Variants in KDELR2 observed in about 807,000 individuals in gnomAD.
KDELR2 encodes the protein KDEL endoplasmic reticulum protein retention receptor 2.
A neutral mutation model predicts 23.9 loss-of-function variants in KDELR2; 15 were observed. The ratio of observed to expected loss-of-function variants is 0.63; its 90% confidence interval spans 0.42 to 0.97. The LOEUF is 0.97. Among genes scored for constraint, KDELR2 ranks in the 50% least tolerant of loss-of-function variants. KDELR2 has a pLI of 0.00. For synonymous variants in KDELR2, 119 were observed against 106.2 expected (o/e 1.12, Z -0.74); for missense variants, 272 against 254.6 (o/e 1.07, Z -0.46).
chr7:6,478,613 A>G (rs1253648568), intron 1 of KDELR2, among the ~76,000 whole-genome samples: 1 of 151,996 alleles, frequency 6.6e-6, no homozygotes, highest in Non-Finnish European at 1.5e-5. Flanking sequence ...TATATTACAG[A>G]TTATTTCACT....
chr7:6,468,303 C>T (rs191944824), intron 3 of KDELR2, among the ~76,000 whole-genome samples: 2 of 152,232 alleles, frequency 1.3e-5, no homozygotes, highest in African/African-American at 4.8e-5. Context: ...CAAATAGGTC[C>T]ATTCTAGATA....
chr7:6,482,666 T>A, intron 1 of KDELR2: 1 of 410,066 alleles, frequency 2.4e-6, no homozygotes, highest in South Asian at 1.7e-5. Context: ...GTAAATAGAG[T>A]CTCTGCACCC....
At position 6,462,678 on chromosome 7, in the gene KDELR2, C is replaced by T. The variant is rs571736456; in HGVS notation, c.*463G>A. 3 of 278,384 alleles carry T rather than the reference C, an allele frequency of 1.1e-5. No individual in the cohort carries two copies. Among genetic ancestry groups the T allele is most frequent in the African/African-American group, 2.2e-5 (1 of 44,740 alleles). The allele number at this position is 278,384 out of a possible 1,614,324, so 17.2% of individuals were successfully genotyped here. ...TGTCTCAGATTTCAAACAAATACAG[C>T]TCATCTTTTGCCAAAAAATAAATAT... On this transcript the variant is annotated 3_prime_UTR_variant, in exon 5 of 5. Coordinates refer to ENST00000258739, the MANE Select transcript of KDELR2 (RefSeq NM_006854.4).
At chr7:6,478,239 T>C (rs1181678283) in intron 1 of KDELR2, among the ~76,000 whole-genome samples, 1 of 151,914 alleles carries the variant, frequency 6.6e-6, no homozygotes, top group Non-Finnish European at 1.5e-5. Flanking sequence ...CGCTGCAGCC[T>C]GGGGCTTAAG....
At chr7:6,464,781 G>A (rs1785466593) in intron 4 of KDELR2, among the ~76,000 whole-genome samples, 1 of 145,784 alleles carries the variant, frequency 6.9e-6, no homozygotes, top group Non-Finnish European at 1.5e-5. Flanking sequence ...TGTTCCCTAG[G>A]CTGGAGTGCA....
chr7:6,468,583 G>A (rs1785554085), intron 3 of KDELR2, among the ~76,000 whole-genome samples: 1 of 152,136 alleles, frequency 6.6e-6, no homozygotes, highest in Non-Finnish European at 1.5e-5. Context: ...TTGGCTCACT[G>A]CAAGCTCCGC....
intron 1 of KDELR2, among the ~76,000 whole-genome samples, chr7:6,479,888 T>G (rs888828444): frequency 3.9e-5 from 6 of 152,196 alleles, no homozygotes; most frequent in African/African-American, 1.4e-4. Flanking sequence ...AGACTGGCAC[T>G]CAAAAGAGCA....
intron 4 of KDELR2, 135 bp from the exon 5 acceptor site, chr7:6,463,310 T>C: frequency 1.5e-6 from 1 of 675,862 alleles, no homozygotes; most frequent in Non-Finnish European, 2.4e-6. Flanking sequence ...GCAATTGTAT[T>C]TTAAAAATAC....
chr7:6,470,708 T>G lies in KDELR2; in HGVS notation c.193-954A>C, dbSNP rs115750888. Among the ~76,000 whole-genome samples the G allele has an allele frequency of 7.2e-3, 1,099 of 152,316 alleles. 12 individuals are homozygous for G. The highest frequency in any genetic ancestry group is 0.024 in the African/African-American group (981 of 41,558). On this transcript the variant is annotated intron_variant, in intron 2 of 4. Coordinates refer to ENST00000258739, the MANE Select transcript of KDELR2 (RefSeq NM_006854.4). ...GGAGGTACTCCTTATAATTTTTGTTTGTAAACATATACTTCTTGATTTAAT... is the reference window on the plus strand; with the variant it reads ...GGAGGTACTCCTTATAATTTTTGTTGGTAAACATATACTTCTTGATTTAAT...
intron 3 of KDELR2, among the ~76,000 whole-genome samples, chr7:6,466,564 G>A (rs530348913): frequency 9.9e-5 from 15 of 152,090 alleles, no homozygotes; most frequent in South Asian, 6.3e-4. Context: ...GGATGGTTTC[G>A]GGATGATTCA....
In KDELR2 at chr7:6,463,215, T is replaced by G. The variant is rs763355643; in HGVS notation, c.605-40A>C. 2.6e-6 allele frequency: 4 copies of G among 1,539,296 alleles called. No individual in the cohort carries two copies. The African/African-American group carries it at 5.5e-5, about 21-fold the overall frequency. On this transcript the variant is annotated intron_variant, in intron 4 of 4. Coordinates refer to ENST00000258739, the MANE Select transcript of KDELR2 (RefSeq NM_006854.4). ...AGAAGAAAAGAAAACAAAAGGTTAC[T>G]GATATTGACAAACTTAGCTTCCTTC...
chr7:6,467,207 C>T (rs1293048366), intron 3 of KDELR2, among the ~76,000 whole-genome samples: 1 of 152,194 alleles, frequency 6.6e-6, no homozygotes, highest in Non-Finnish European at 1.5e-5. Context: ...GATACCAAAT[C>T]AACCCTGCTT....
Position 6,484,099 on chromosome 7 carries a change from G to A in KDELR2, c.-42C>T, listed in dbSNP as rs1474030425. The A allele has an allele frequency of 2.2e-6, 3 of 1,337,808 alleles. No homozygotes were observed. Among genetic ancestry groups the A allele is most frequent in the African/African-American group, 1.5e-5 (1 of 64,850 alleles). The allele number at this position is 1,337,808 out of a possible 1,614,324, so 82.9% of individuals were successfully genotyped here. On this transcript the variant is annotated 5_prime_UTR_variant, in exon 1 of 5. Transcript: ENST00000258739. ...GCGGTCGGCGCAGCGCGGCGGCCCC[G>A]GGGCTGGGCGGCTCAGGAGGCGGCG...
chr7:6,471,110 G>A (rs1393501600), intron 2 of KDELR2, among the ~76,000 whole-genome samples: 8 of 87,692 alleles, frequency 9.1e-5, no homozygotes, highest in Non-Finnish European at 1.7e-4. Flanking sequence ...GACTGACTCT[G>A]TCTCAAAAAA....
At chr7:6,465,764 C>T (rs1359489253) in intron 4 of KDELR2, among the ~76,000 whole-genome samples, 1 of 152,080 alleles carries the variant, frequency 6.6e-6, no homozygotes, top group African/African-American at 2.4e-5. Context: ...GTGTATAGAA[C>T]AGCAATGTAC....
intron 4 of KDELR2, among the ~76,000 whole-genome samples, chr7:6,465,270 G>A (rs1166213026): frequency 6.8e-6 from 1 of 147,926 alleles, no homozygotes; most frequent in Non-Finnish European, 1.5e-5. Context: ...TGCAAGCTCC[G>A]CCTCCCAGGT....
intron 3 of KDELR2, among the ~76,000 whole-genome samples, chr7:6,467,143 T>C (rs1028260465): frequency 1.3e-5 from 2 of 152,200 alleles, no homozygotes; most frequent in African/African-American, 4.8e-5. Flanking sequence ...CAATTTTCTA[T>C]GAATCTACAT....
At chr7:6,473,261 T>C (rs1439039162) in intron 2 of KDELR2, among the ~76,000 whole-genome samples, 1 of 151,930 alleles carries the variant, frequency 6.6e-6, no homozygotes, top group Non-Finnish European at 1.5e-5. Context: ...CTCTTATACT[T>C]TTCCTTTGTG....
intron 4 of KDELR2, among the ~76,000 whole-genome samples, chr7:6,464,734 CTTTTTTTTTTT>C (rs201529691): frequency 2.7e-5 from 3 of 111,230 alleles, no homozygotes; most frequent in Non-Finnish European, 1.9e-5. Context: ...TCTTTTTTTT[CTTTTTTTTTTT>C]TTTTTTTGAG....
Sources: allele counts gnomAD v4.1 joint callset (sites outside exome capture counted in the v4.1 genomes callset), GRCh38; gene constraint gnomAD v4.1.1; transcripts MANE v1.5; gene names NCBI Gene and HGNC (gene_info 2026-07-23, HGNC 2026-07-21).